Variants in EPHA6 observed in about 807,000 individuals in gnomAD.
EPHA6 encodes EPH receptor A6, also known as ephrin type-A receptor 6.
A neutral mutation model predicts 112.0 loss-of-function variants in EPHA6; 50 were observed. The ratio of observed to expected loss-of-function variants is 0.45; its 90% CI spans 0.36 to 0.56. EPHA6 has a LOEUF of 0.56. Ranked by LOEUF, EPHA6 falls within the 20% of genes least tolerant of loss-of-function variation. EPHA6 has a pLI of 0.00. For missense variants in EPHA6, 1,280 were observed against 1,417.4 expected (o/e 0.90, Z 1.56); for synonymous variants, 529 against 490.7 (o/e 1.08, Z -1.03).
At chr3:97,356,993 T>C (rs561463195) in intron 5 of EPHA6, among the ~76,000 whole-genome samples, 15 of 152,314 alleles carry the variant, frequency 9.8e-5, no homozygotes, top group Middle Eastern at 6.8e-3. Context: ...AAATATTATG[T>C]CTTCTTGCTG....
chr3:97,025,222 A>ATTTT (rs2044597185), intron 3 of EPHA6, among the ~76,000 whole-genome samples: 2 of 152,348 alleles, frequency 1.3e-5, no homozygotes, highest in South Asian at 4.1e-4. Flanking sequence ...AGCACTCACC[A>ATTTT]TTATTATGCA....
chr3:97,517,750 G>A (rs770249854), intron 10 of EPHA6, among the ~76,000 whole-genome samples: 4 of 151,728 alleles, frequency 2.6e-5, no homozygotes, highest in Non-Finnish European at 5.9e-5. Context: ...TTTCCCCACC[G>A]GTGCCCCCAC....
chr3:97,075,490 A>C (rs2046488006), intron 3 of EPHA6, among the ~76,000 whole-genome samples: 1 of 152,060 alleles, frequency 6.6e-6, no homozygotes, highest in South Asian at 2.1e-4. Context: ...AAAGCACTGT[A>C]ACTTAAATTT....
chr3:97,684,839 A>G (rs969039091), intron 14 of EPHA6, among the ~76,000 whole-genome samples: 6 of 152,332 alleles, frequency 3.9e-5, no homozygotes, highest in African/African-American at 1.4e-4. Flanking sequence ...GATTCAGTTC[A>G]TTACAGATCC....
intron 14 of EPHA6, among the ~76,000 whole-genome samples, chr3:97,664,489 A>G (rs13074797): frequency 0.27 from 41,154 of 151,908 alleles, 6,172 homozygotes; most frequent in Non-Finnish European, 0.35. Context: ...GGCAGGAGAA[A>G]GAAATAAAGG....
At chr3:96,840,489 G>A (rs988492826) in intron 1 of EPHA6, among the ~76,000 whole-genome samples, 13 of 152,070 alleles carry the variant, frequency 8.5e-5, no homozygotes, top group Non-Finnish European at 2.9e-5. Flanking sequence ...AAATGCCTTC[G>A]TTATTCTGGA....
chr3:97,156,940 A>G (rs1359682960), intron 3 of EPHA6, among the ~76,000 whole-genome samples: 1 of 152,150 alleles, frequency 6.6e-6, no homozygotes, highest in Non-Finnish European at 1.5e-5. Flanking sequence ...ATTTAAGAAG[A>G]AAACCAACTA....
chr3:96,939,646 C>T (rs545101216), intron 2 of EPHA6, among the ~76,000 whole-genome samples: 1 of 152,168 alleles, frequency 6.6e-6, no homozygotes, highest in Admixed American at 6.5e-5. Context: ...CTTGTGCTAG[C>T]TTTTGAATGT....
At chr3:97,332,435 G>T (rs1445551487) in intron 5 of EPHA6, among the ~76,000 whole-genome samples, 1 of 151,962 alleles carries the variant, frequency 6.6e-6, no homozygotes, top group Admixed American at 6.6e-5. Flanking sequence ...AGGAAATAAA[G>T]GGTATTCAAT....
In EPHA6 at chr3:97,021,928, TG is replaced by T. The variant is rs1313094506; in HGVS notation, c.1114+33937del. On this transcript the variant is annotated intron_variant, in intron 3 of 17. Transcript: ENST00000389672. The stretch of plus-strand genomic sequence containing the variant: ...GGTGTTATTTCTAATATCATTTCCT[TG>T]GAGAGTTCTCCCTCAACTATTGCTT... Among the ~76,000 whole-genome samples, 3 of 152,196 alleles carry T rather than the reference TG, an allele frequency of 2.0e-5. No individual in the cohort carries two copies. In the East Asian group the frequency reaches 5.8e-4, roughly 29 times the overall value.
intron 11 of EPHA6, among the ~76,000 whole-genome samples, chr3:97,542,085 T>C (rs1560116968): frequency 7.7e-6 from 1 of 130,686 alleles, no homozygotes; most frequent in Non-Finnish European, 1.5e-5. Flanking sequence ...TGTCGCTTCA[T>C]GTTTTTTTGT....
chr3:96,814,932 T>C lies in EPHA6; in HGVS notation c.309T>C (p.Phe103=). Residue 103 remains phenylalanine (F), a synonymous_variant, in exon 1 of 18, where the codon TTT becomes TTC. Coordinates refer to ENST00000389672, the MANE Select transcript of EPHA6 (RefSeq NM_001080448.3). ...TGGGGGGCTGCGAAGTCCGGGAATT[T>C]CTTTTGCAATTTGGTTTCTTCTTGC... is the stretch of plus-strand genomic sequence containing the variant. ...RTMGGCEVRE[F]LLQFGFFLPL... 1 of 1,551,352 alleles carries C rather than the reference T, an allele frequency of 6.4e-7. No individual in the cohort carries two copies. The highest frequency in any genetic ancestry group is 8.7e-7 in the Non-Finnish European group (1 of 1,146,594).
intron 14 of EPHA6, among the ~76,000 whole-genome samples, chr3:97,667,340 A>G (rs1576243848): frequency 6.6e-6 from 1 of 152,348 alleles, no homozygotes; most frequent in South Asian, 2.1e-4. Context: ...TAAATCTGTT[A>G]CTTTTGTTGA....
intron 13 of EPHA6, among the ~76,000 whole-genome samples, chr3:97,613,787 A>G (rs1487389229): frequency 6.6e-6 from 1 of 152,238 alleles, no homozygotes; most frequent in East Asian, 1.9e-4. Flanking sequence ...ACCAATGTGC[A>G]GAATTTTTAA....
intron 5 of EPHA6, among the ~76,000 whole-genome samples, chr3:97,324,825 C>A (rs1253789197): frequency 6.6e-6 from 1 of 151,996 alleles, no homozygotes; most frequent in Non-Finnish European, 1.5e-5. Flanking sequence ...CAGACGTGAG[C>A]CACTGTGCAC....
At chr3:97,431,575 A>G (rs532003772) in intron 6 of EPHA6, among the ~76,000 whole-genome samples, 256 of 152,236 alleles carry the variant, frequency 1.7e-3, no homozygotes, top group African/African-American at 5.9e-3. Flanking sequence ...TTATGGATAA[A>G]CCACAGCAGG....
intron 2 of EPHA6, among the ~76,000 whole-genome samples, chr3:96,937,550 G>T (rs999004626): frequency 3.3e-5 from 5 of 152,000 alleles, no homozygotes; most frequent in African/African-American, 9.7e-5. Context: ...CTCCTATTTT[G>T]TAGGTTGCCT....
At chr3:97,732,299 A>C (rs2129257) in intron 15 of EPHA6, among the ~76,000 whole-genome samples, 148,286 of 151,044 alleles carry the variant, frequency 0.98, 72,808 homozygotes, top group East Asian at 0.99. Context: ...CTTTCACATA[A>C]CCCTTAAGGT....
At chr3:97,634,279 C>A (rs1169746494) in intron 13 of EPHA6, among the ~76,000 whole-genome samples, 3 of 151,928 alleles carry the variant, frequency 2.0e-5, no homozygotes, top group Admixed American at 6.6e-5. Context: ...ACTGGCTTAT[C>A]GTGTTCAATG....
Sources: allele counts gnomAD v4.1 joint callset (sites outside exome capture counted in the v4.1 genomes callset), GRCh38; gene constraint gnomAD v4.1.1; transcripts MANE v1.5; gene names NCBI Gene and HGNC (gene_info 2026-07-23, HGNC 2026-07-21).